The following CTDSPL2 variants were observed in gnomAD, a reference collection of about 807,000 sequenced individuals.
CTDSPL2 encodes the protein CTD small phosphatase-like protein 2.
CTDSPL2 carries 5 observed loss-of-function variants against 60.0 expected under a neutral mutation model. The ratio of observed to expected loss-of-function variants is 0.08; its 90% CI spans 0.04 to 0.18. CTDSPL2 has a LOEUF of 0.18. Among genes scored for constraint, CTDSPL2 ranks in the 10% least tolerant of loss-of-function variants. The pLI, the probability that CTDSPL2 is intolerant of heterozygous loss-of-function variation, is 1.00. For synonymous variants in CTDSPL2, 186 were observed against 189.3 expected, an observed-to-expected ratio of 0.98 and a Z score of 0.14; for missense variants, 370 against 548.8, an observed-to-expected ratio of 0.67 and a Z score of 3.26.
At chr15:44,454,903 A>G (rs2080403491) in intron 1 of CTDSPL2, among the ~76,000 whole-genome samples, 1 of 152,162 alleles carries the variant, frequency 6.6e-6, no homozygotes, top group Non-Finnish European at 1.5e-5. Context: ...TTGTCTTGGC[A>G]GTGTGGGCTC....
chr15:44,523,838 G>C (rs2140876813), intron 12 of CTDSPL2, among the ~76,000 whole-genome samples: 1 of 152,268 alleles, frequency 6.6e-6, no homozygotes, highest in South Asian at 2.1e-4. Context: ...GGCAGAAGTT[G>C]CAGTGAGCTG....
intron 1 of CTDSPL2, among the ~76,000 whole-genome samples, chr15:44,429,335 A>G (rs1018737225): frequency 6.6e-6 from 1 of 152,200 alleles, no homozygotes; most frequent in African/African-American, 2.4e-5. Flanking sequence ...AGTTTATTTA[A>G]AAAATGGAGC....
intron 2 of CTDSPL2, among the ~76,000 whole-genome samples, chr15:44,483,622 T>C (rs2140782398): frequency 6.6e-6 from 1 of 152,322 alleles, no homozygotes; most frequent in South Asian, 2.1e-4. Flanking sequence ...AGTATACTAT[T>C]TTAGTCCATT....
In CTDSPL2 at chr15:44,450,938, T is replaced by C. The variant is rs150250770; in HGVS notation, c.-24-8053T>C. Among the ~76,000 whole-genome samples the C allele has an allele frequency of 1.7e-3, 255 of 152,152 alleles. 1 individual carries two copies. The highest frequency in any genetic ancestry group is 6.0e-3 in the African/African-American group (247 of 41,496). On this transcript the variant is annotated intron_variant, in intron 1 of 12. Coordinates refer to ENST00000260327, the MANE Select transcript of CTDSPL2 (RefSeq NM_016396.3). ...TTAAAACAACATTGGTAAAATATAG[T>C]ATAAAAGGGGAAAAAAACAGGTAAT...
Position 44,444,237 on chromosome 15 carries a change from T to TA in CTDSPL2, c.-24-14753dup, listed in dbSNP as rs140514257. Among the ~76,000 whole-genome samples the TA allele has an allele frequency of 4.4e-3, 662 of 151,980 alleles. 4 individuals are homozygous for TA. Among genetic ancestry groups the TA allele is most frequent in the African/African-American group, 0.015 (628 of 41,400 alleles). On this transcript the variant is annotated intron_variant, in intron 1 of 12. Transcript: ENST00000260327. ...CCAATTTATCTGTTTTTCTTTTTGT[T>TA]ATGTGTGTTTTTGTTGTCATGACCA...
chr15:44,448,729 G>C (rs2080271611), intron 1 of CTDSPL2: 1 of 340,486 alleles, frequency 2.9e-6, no homozygotes, highest in Non-Finnish European at 5.8e-6. Flanking sequence ...CAGGTGATTG[G>C]CATCGATAGT....
At chr15:44,437,845 T>C (rs1234465905) in intron 1 of CTDSPL2, among the ~76,000 whole-genome samples, 1 of 152,214 alleles carries the variant, frequency 6.6e-6, no homozygotes, top group African/African-American at 2.4e-5. Context: ...TGGTTACTTA[T>C]ACATGATACT....
chr15:44,497,217 C>A, intron 7 of CTDSPL2, 79 bp downstream of exon 7: 1 of 817,518 alleles, frequency 1.2e-6, no homozygotes, highest in Admixed American at 2.5e-5. Flanking sequence ...TTAGCTTTCC[C>A]TTTTTTTTGT....
At position 44,519,256 on chromosome 15, in the gene CTDSPL2, T is replaced by C. The variant is rs775837689; in HGVS notation, c.1200T>C (p.Thr400=). The change falls in exon 11 of 13, where the codon ACT becomes ACC. Residue 400 remains threonine (T), a synonymous_variant. Coordinates refer to ENST00000260327, the MANE Select transcript of CTDSPL2 (RefSeq NM_016396.3). ...TTCTTGGAAGAGATCTTTCAAAAACTATAATAATTGACAACTCACCACAAG... is the reference window on the plus strand; with the variant it reads ...TTCTTGGAAGAGATCTTTCAAAAACCATAATAATTGACAACTCACCACAAG... The part of the protein sequence containing the change: ...LNILGRDLSK[T]IIIDNSPQAF... The C allele has an allele frequency of 6.4e-7, 1 of 1,560,230 alleles. No individual in the cohort carries two copies. The highest frequency in any genetic ancestry group is 2.1e-5 in the Admixed American group (1 of 48,606).
At chr15:44,477,907 C>T (rs369297967) in intron 2 of CTDSPL2, among the ~76,000 whole-genome samples, 1 of 152,046 alleles carries the variant, frequency 6.6e-6, no homozygotes, top group South Asian at 2.1e-4. Context: ...ATGTTATTCA[C>T]CCAACGCATT....
chr15:44,442,511 T>C (rs1008848680), intron 1 of CTDSPL2, among the ~76,000 whole-genome samples: 4 of 152,034 alleles, frequency 2.6e-5, no homozygotes, highest in Admixed American at 1.3e-4. Flanking sequence ...TTTTAGCACT[T>C]GGTGTACCTG....
intron 1 of CTDSPL2, chr15:44,447,492 T>A (rs1336848311): frequency 6.6e-6 from 1 of 152,320 alleles, no homozygotes; most frequent in Non-Finnish European, 1.5e-5. Flanking sequence ...ACAGAATTTT[T>A]AAAACATCTT....
chr15:44,499,224 G>A (rs1386482251), intron 7 of CTDSPL2, among the ~76,000 whole-genome samples: 1 of 152,032 alleles, frequency 6.6e-6, no homozygotes, highest in Non-Finnish European at 1.5e-5. Flanking sequence ...GACCAACATG[G>A]TGAAACCCTG....
At chr15:44,501,518 G>A (rs112838621) in intron 8 of CTDSPL2, among the ~76,000 whole-genome samples, 212 of 152,074 alleles carry the variant, frequency 1.4e-3, no homozygotes, top group Admixed American at 1.1e-3. Context: ...TGTGGATCTG[G>A]ATAGTTGTCT....
At chr15:44,497,563 G>A (rs1313559882) in intron 7 of CTDSPL2, among the ~76,000 whole-genome samples, 1 of 151,996 alleles carries the variant, frequency 6.6e-6, no homozygotes, top group East Asian at 1.9e-4. Flanking sequence ...GTAGAGACGG[G>A]GTTTCACCTT....
chr15:44,433,687 T>C (rs1161165805), intron 1 of CTDSPL2, among the ~76,000 whole-genome samples: 1 of 152,172 alleles, frequency 6.6e-6, no homozygotes, highest in African/African-American at 2.4e-5. Flanking sequence ...TTTTTGTTTT[T>C]TGAGACGGAG....
chr15:44,435,623 T>C (rs1397352670), intron 1 of CTDSPL2, among the ~76,000 whole-genome samples: 4 of 151,220 alleles, frequency 2.6e-5, no homozygotes, highest in African/African-American at 4.8e-5. Flanking sequence ...TTTTTTTTTT[T>C]TGAGGCGGAG....
chr15:44,516,294 C>A (rs988855585), intron 10 of CTDSPL2, among the ~76,000 whole-genome samples: 2 of 152,140 alleles, frequency 1.3e-5, no homozygotes, highest in Non-Finnish European at 2.9e-5. Flanking sequence ...TTCTTAAATA[C>A]TTTTCCCATG....
rs973564629 is a variant in CTDSPL2, at chr15:44,526,853, C to A, written c.*2679C>A. On this transcript the variant is annotated 3_prime_UTR_variant, in exon 13 of 13. Transcript: ENST00000260327. Reference sequence around the variant, plus strand: ...CTAGTAAATGCAGGAGAGGTGGATACCTGATGAGACACAGCGAAAGTGACC... The same window carrying A: ...CTAGTAAATGCAGGAGAGGTGGATAACTGATGAGACACAGCGAAAGTGACC... 6.6e-6 allele frequency: 1 copy of A among 152,470 alleles called. No individual in the cohort carries two copies. Among genetic ancestry groups the A allele is most frequent in the Non-Finnish European group, 1.5e-5 (1 of 67,956 alleles). The allele number at this position is 152,470 out of a possible 1,614,324, so 9.4% of individuals were successfully genotyped here.
Sources: gnomAD v4.1 joint callset for allele counts (sites outside exome capture counted in the v4.1 genomes callset) on GRCh38, gnomAD v4.1.1 for gene constraint, MANE v1.5 for transcripts, NCBI Gene and HGNC (gene_info 2026-07-23, HGNC 2026-07-21) for gene names.